Variants in PRPSAP2 observed in about 807,000 individuals in gnomAD.
PRPSAP2 encodes the protein phosphoribosyl pyrophosphate synthase-associated protein 2.
A neutral mutation model predicts 40.6 loss-of-function variants in PRPSAP2; 24 were observed. The ratio of observed to expected loss-of-function variants is 0.59; its 90% CI spans 0.43 to 0.83. The LOEUF is 0.83. PRPSAP2 is among the 40% of genes least tolerant of loss of function. The pLI, the probability that PRPSAP2 is intolerant of heterozygous loss-of-function variation, is 0.00. For synonymous variants in PRPSAP2, 149 were observed against 164.7 expected (o/e 0.90, Z 0.73); for missense variants, 292 against 465.6 (o/e 0.63, Z 3.43).
At chr17:18,917,692 C>T (rs2041451576) in intron 9 of PRPSAP2, among the ~76,000 whole-genome samples, 1 of 147,166 alleles carries the variant, frequency 6.8e-6, no homozygotes, top group Admixed American at 6.9e-5. Context: ...CCGCCTCGGC[C>T]TCCCAATGTG....
chr17:18,868,799 C>G (rs1023125921), intron 4 of PRPSAP2, among the ~76,000 whole-genome samples: 1 of 149,840 alleles, frequency 6.7e-6, no homozygotes, highest in Non-Finnish European at 1.5e-5. Flanking sequence ...AAAAGCAGTT[C>G]TCCTATTTCA....
At chr17:18,885,293 C>T (rs1831784824) in intron 7 of PRPSAP2, among the ~76,000 whole-genome samples, 1 of 148,454 alleles carries the variant, frequency 6.7e-6, no homozygotes, top group Non-Finnish European at 1.5e-5. Flanking sequence ...CCCCCCTACT[C>T]AAGAGGATGA....
chr17:18,873,272 C>T (rs2038032907), intron 5 of PRPSAP2, among the ~76,000 whole-genome samples: 1 of 151,030 alleles, frequency 6.6e-6, no homozygotes, highest in Non-Finnish European at 1.5e-5. Context: ...CGGCTTACCG[C>T]AACCTCAGCT....
intron 7 of PRPSAP2, among the ~76,000 whole-genome samples, chr17:18,886,801 T>G (rs1390776217): frequency 1.3e-5 from 2 of 152,160 alleles, no homozygotes; most frequent in African/African-American, 2.4e-5. Context: ...CATTTGATTG[T>G]TGCCTTGCAA....
chr17:18,867,207 G>T, intron 3 of PRPSAP2, 75 bp from the exon 4 acceptor site: 1 of 1,354,232 alleles, frequency 7.4e-7, no homozygotes, highest in South Asian at 1.2e-5. Flanking sequence ...ATCGATTTAC[G>T]AGTCTCCTTA....
intron 6 of PRPSAP2, among the ~76,000 whole-genome samples, chr17:18,881,279 A>T (rs1231850392): frequency 6.6e-6 from 1 of 150,756 alleles, no homozygotes; most frequent in Non-Finnish European, 1.5e-5. Flanking sequence ...CCTTTCACCC[A>T]GGTCGGAGTG....
In PRPSAP2 at chr17:18,882,519, A is replaced by C. The variant is rs578205560; in HGVS notation, c.413-49A>C. 4 of 1,302,284 alleles carry C rather than the reference A, an allele frequency of 3.1e-6. No homozygotes were observed. In the African/African-American group the frequency reaches 4.5e-5, roughly 15 times the overall value. The allele number at this position is 1,302,284 out of a possible 1,614,324, so 80.7% of individuals were successfully genotyped here. A position where few individuals can be genotyped will look rare whatever the true frequency, so the allele number is the denominator to read the frequency against. On this transcript the variant is annotated intron_variant, in intron 6 of 11. Transcript: ENST00000268835. ...GAATGGGATCCCATCTTAAAAAAAAAAAACAAAAACAAAACTATTTATTGC... is the reference window on the plus strand; with the variant it reads ...GAATGGGATCCCATCTTAAAAAAAACAAACAAAAACAAAACTATTTATTGC...
chr17:18,875,697 T>TA (rs968083911), intron 5 of PRPSAP2, among the ~76,000 whole-genome samples: 1 of 150,042 alleles, frequency 6.7e-6, no homozygotes. Context: ...CTACTGAAAA[T>TA]ACAAAAATTA....
chr17:18,900,375 C>CT (rs1489578603), intron 8 of PRPSAP2, among the ~76,000 whole-genome samples: 11 of 152,216 alleles, frequency 7.2e-5, no homozygotes, highest in African/African-American at 2.4e-4. Flanking sequence ...TTTGTTTAGA[C>CT]TTCTTGTTTT....
chr17:18,879,095 C>T (rs1597579219), intron 6 of PRPSAP2, among the ~76,000 whole-genome samples: 1 of 152,240 alleles, frequency 6.6e-6, no homozygotes, highest in East Asian at 1.9e-4. Flanking sequence ...GTCTCGAACT[C>T]CTGACCTCAA....
intron 6 of PRPSAP2, among the ~76,000 whole-genome samples, chr17:18,881,704 A>G (rs2038757620): frequency 6.6e-6 from 1 of 151,368 alleles, no homozygotes; most frequent in South Asian, 2.1e-4. Context: ...TGCCTGGCTA[A>G]TTTTTGTTTT....
intron 7 of PRPSAP2, among the ~76,000 whole-genome samples, chr17:18,889,052 G>A (rs1209687755): frequency 6.6e-6 from 1 of 152,216 alleles, no homozygotes; most frequent in Non-Finnish European, 1.5e-5. Context: ...TAGAAAGACT[G>A]CCAGCAAAAA....
At chr17:18,881,990 G>A (rs529651804) in intron 6 of PRPSAP2, among the ~76,000 whole-genome samples, 11 of 151,404 alleles carry the variant, frequency 7.3e-5, no homozygotes, top group Non-Finnish European at 1.6e-4. Flanking sequence ...ACAGGCACAC[G>A]CCACCACGCC....
At chr17:18,876,631 G>C (rs1193408657) in intron 5 of PRPSAP2, among the ~76,000 whole-genome samples, 1 of 152,224 alleles carries the variant, frequency 6.6e-6, no homozygotes, top group African/African-American at 2.4e-5. Context: ...GACATAAAGT[G>C]AGCATAATAA....
intron 7 of PRPSAP2, among the ~76,000 whole-genome samples, chr17:18,883,682 G>A (rs1351889862): frequency 1.3e-5 from 2 of 151,862 alleles, no homozygotes; most frequent in Non-Finnish European, 2.9e-5. Flanking sequence ...CACCGCACCT[G>A]GCCTTAGCGG....
At chr17:18,908,453 G>A (rs1467726538) in intron 8 of PRPSAP2, 6 of 759,110 alleles carry the variant, frequency 7.9e-6, no homozygotes, top group Non-Finnish European at 1.5e-5. Context: ...CTCAGAGAAG[G>A]ATCTCCCAGA....
intron 1 of PRPSAP2, chr17:18,865,075 G>A (rs1467641587): frequency 2.6e-5 from 4 of 152,316 alleles, no homozygotes; most frequent in African/African-American, 9.7e-5. Context: ...TTGATCTCTT[G>A]ATCTCGTGAT....
intron 4 of PRPSAP2, among the ~76,000 whole-genome samples, chr17:18,872,272 CAA>C (rs368082910): frequency 1.7e-4 from 13 of 77,414 alleles, no homozygotes; most frequent in Admixed American, 2.7e-4. Flanking sequence ...GACTCCGTCT[CAA>C]AAAAAAAAAA....
chr17:18,867,326 C>G lies in PRPSAP2; in HGVS notation c.164C>G (p.Pro55Arg), dbSNP rs2151885096. 6.2e-7 allele frequency: 1 copy of G among 1,614,088 alleles called. No homozygotes were observed. The highest frequency in any genetic ancestry group is 1.7e-5 in the Admixed American group (1 of 60,006). Residue 55 changes from proline to arginine, a missense_variant, in exon 4 of 12, where the codon CCT (proline) becomes CGT (arginine). Physicochemically the swap from Pro to Arg is moderately radical, Grantham distance 103 (BLOSUM62 -2). This residue lies in a region of PRPSAP2 where 241 missense variants were observed against 425.7 expected (regional missense o/e 0.57). Transcript: ENST00000268835. ...EMGKVQVYQE[P>R]NRETRVQIQE... is the part of the protein sequence containing the mutation. ...GGCAAAGTGCAGGTTTACCAGGAAC[C>G]TAACAGAGGTGAGCTATCTTGGGCA... is the stretch of plus-strand genomic sequence containing the variant.
Sources: allele counts gnomAD v4.1 joint callset (sites outside exome capture counted in the v4.1 genomes callset), GRCh38; gene constraint gnomAD v4.1.1; regional missense constraint gnomAD v4.1.1; transcripts MANE v1.5; gene names NCBI Gene and HGNC (gene_info 2026-07-23, HGNC 2026-07-21).